SLC4A4: variants seen among roughly 807,000 people sequenced by gnomAD.
SLC4A4 encodes solute carrier family 4 member 4, also known as electrogenic sodium bicarbonate cotransporter 1.
A neutral mutation model predicts 111.5 loss-of-function variants in SLC4A4; 27 were observed. That is an observed-to-expected ratio of 0.24 (90% CI 0.18 to 0.33). The LOEUF is 0.33. Ranked by LOEUF, SLC4A4 falls within the 10% of genes least tolerant of loss-of-function variation. The probability of loss-of-function intolerance (pLI) is 1.00; values close to 1 mark genes in which losing one functional copy is unlikely to be tolerated. For synonymous variants in SLC4A4, 443 were observed against 463.4 expected (o/e 0.96, Z 0.57); for missense variants, 909 against 1,315.5 (o/e 0.69, Z 4.78).
At chr4:71,193,572 G>C (rs1422795859) in intron 1 of SLC4A4, among the ~76,000 whole-genome samples, 2 of 152,182 alleles carry the variant, frequency 1.3e-5, no homozygotes, top group African/African-American at 2.4e-5. Context: ...CATTGTGTGA[G>C]AGTATCATCT....
upstream of SLC4A4, among the ~76,000 whole-genome samples, chr4:71,186,057 A>C (rs906007767): frequency 3.3e-5 from 5 of 152,246 alleles, no homozygotes; most frequent in Admixed American, 2.0e-4. Flanking sequence ...CTGTGCTGAC[A>C]GTCTGTTCAT....
chr4:71,252,195 A>G (rs1721112436), intron 2 of SLC4A4, among the ~76,000 whole-genome samples: 1 of 152,188 alleles, frequency 6.6e-6, no homozygotes, highest in Non-Finnish European at 1.5e-5. Flanking sequence ...GATGACAGAT[A>G]TTCTGTGGGG....
intron 6 of SLC4A4, among the ~76,000 whole-genome samples, chr4:71,392,008 A>G (rs1719335710): frequency 6.6e-6 from 1 of 152,128 alleles, no homozygotes; most frequent in Non-Finnish European, 1.5e-5. Context: ...GCACTGATTT[A>G]TTCTGACAAT....
chr4:71,099,700 C>T (rs938615211), intron 2 of SLC4A4, among the ~76,000 whole-genome samples: 1 of 151,906 alleles, frequency 6.6e-6, no homozygotes, highest in East Asian at 1.9e-4. Flanking sequence ...ATTAGCTAGA[C>T]AAATAAAGAA....
At chr4:71,205,128 G>A (rs939207578) in intron 1 of SLC4A4, among the ~76,000 whole-genome samples, 6 of 152,210 alleles carry the variant, frequency 3.9e-5, no homozygotes, top group Middle Eastern at 3.4e-3. Context: ...TGTTGCCAGC[G>A]TCAGAATATC....
At chr4:71,078,659 G>A (rs966961645) in intron 1 of SLC4A4, among the ~76,000 whole-genome samples, 7 of 152,036 alleles carry the variant, frequency 4.6e-5, no homozygotes, top group African/African-American at 9.7e-5. Flanking sequence ...GGCCTTCTTC[G>A]CTCAGCTCAT....
chr4:71,556,669 A>C (rs926981575), intron 21 of SLC4A4, among the ~76,000 whole-genome samples: 1 of 151,862 alleles, frequency 6.6e-6, no homozygotes, highest in East Asian at 2.0e-4. Flanking sequence ...CTTTTTGGTA[A>C]GATTTCATTT....
At chr4:71,316,490 GT>G (rs1175570151) in intron 3 of SLC4A4, among the ~76,000 whole-genome samples, 2 of 152,056 alleles carry the variant, frequency 1.3e-5, no homozygotes, top group East Asian at 3.9e-4. Context: ...GGTACAGGCC[GT>G]TTTTTTAAAA....
chr4:71,520,694 A>G (rs878996132), intron 16 of SLC4A4, among the ~76,000 whole-genome samples: 1 of 152,204 alleles, frequency 6.6e-6, no homozygotes, highest in Non-Finnish European at 1.5e-5. Context: ...GAACCTTACA[A>G]ATTAGCAAAA....
At chr4:71,102,544 A>G (rs200487364) in intron 2 of SLC4A4, among the ~76,000 whole-genome samples, 4,287 of 152,244 alleles carry the variant, frequency 0.028, 173 homozygotes, top group African/African-American at 0.082. Flanking sequence ...CTCACAAAGG[A>G]AAGCCCATCA....
chr4:71,246,461 C>A (rs1720663783), intron 2 of SLC4A4, among the ~76,000 whole-genome samples: 2 of 152,088 alleles, frequency 1.3e-5, no homozygotes, highest in Non-Finnish European at 1.5e-5. Context: ...AGTGGAAAGA[C>A]CTGAAAGGAA....
At chr4:71,547,894 C>T (rs1276078832) in intron 20 of SLC4A4, among the ~76,000 whole-genome samples, 174 bp downstream of exon 20, 1 of 151,896 alleles carries the variant, frequency 6.6e-6, no homozygotes, top group Non-Finnish European at 1.5e-5. Context: ...TGATTTCCTT[C>T]TCACTCTTTC....
chr4:71,296,937 GA>G (rs1240926497), intron 3 of SLC4A4, among the ~76,000 whole-genome samples: 2 of 152,088 alleles, frequency 1.3e-5, no homozygotes, highest in Admixed American at 6.6e-5. Context: ...AGTATTACTG[GA>G]AAAAAATCCT....
chr4:71,305,132 A>T, intron 3 of SLC4A4, among the ~76,000 whole-genome samples: 1 of 152,234 alleles, frequency 6.6e-6, no homozygotes, highest in East Asian at 1.9e-4. Context: ...GCCTCAAAGA[A>T]TGAGGCTCAG....
At chr4:71,139,324 C>T (rs1743938940) in intron 2 of SLC4A4, among the ~76,000 whole-genome samples, 1 of 152,042 alleles carries the variant, frequency 6.6e-6, no homozygotes, top group African/African-American at 2.4e-5. Context: ...TTTCTACAAT[C>T]TTCCTGCTTA....
At chr4:71,390,708 G>A (rs1490129371) in intron 6 of SLC4A4, among the ~76,000 whole-genome samples, 3 of 152,014 alleles carry the variant, frequency 2.0e-5, no homozygotes, top group African/African-American at 2.4e-5. Context: ...ATTCTCTGTG[G>A]TTGTACATTA....
At chr4:71,473,793 G>C (rs929034169) in intron 14 of SLC4A4, among the ~76,000 whole-genome samples, 11 of 151,730 alleles carry the variant, frequency 7.2e-5, no homozygotes, top group African/African-American at 2.7e-4. Flanking sequence ...AATATGAAAG[G>C]CATTTCAAAA....
chr4:71,448,505 A>G (rs935304583), intron 9 of SLC4A4, among the ~76,000 whole-genome samples: 4 of 152,108 alleles, frequency 2.6e-5, no homozygotes, highest in African/African-American at 9.7e-5. Context: ...CAGAAAGTAC[A>G]TGTTTTATGG....
chr4:71,328,468 C>T (rs1227290901), intron 3 of SLC4A4, among the ~76,000 whole-genome samples: 2 of 152,126 alleles, frequency 1.3e-5, no homozygotes, highest in Admixed American at 6.6e-5. Context: ...CTTTTCTCCA[C>T]ATCCTTGCCA....
Sources: allele counts gnomAD v4.1 joint callset (sites outside exome capture counted in the v4.1 genomes callset), GRCh38; gene constraint gnomAD v4.1.1; transcripts MANE v1.5; gene names NCBI Gene and HGNC (gene_info 2026-07-23, HGNC 2026-07-21).